Variants in TANC2 observed in about 807,000 individuals in gnomAD.
The protein encoded by TANC2 is tetratricopeptide repeat, ankyrin repeat and coiled-coil containing 2, also known as protein TANC2.
In TANC2, 26 loss-of-function variants were observed where a neutral mutation model predicts 210.5. That is an observed-to-expected ratio of 0.12 (90% CI 0.09 to 0.17). TANC2 has a LOEUF of 0.17. TANC2 is among the 10% of genes least tolerant of loss of function. The probability of loss-of-function intolerance (pLI) is 1.00; values close to 1 mark genes in which losing one functional copy is unlikely to be tolerated. For synonymous variants in TANC2, 931 were observed against 967.1 expected (o/e 0.96, Z 0.69); for missense variants, 2,129 against 2,608.9 (o/e 0.82, Z 4.01).
At chr17:63,220,703 C>CAA (rs373846699) in intron 7 of TANC2, among the ~76,000 whole-genome samples, 112 of 91,950 alleles carry the variant, frequency 1.2e-3, no homozygotes, top group South Asian at 7.7e-3. Flanking sequence ...GAATCAGTCT[C>CAA]AAAAAAAAAA....
At chr17:63,050,359 G>GAAAAAAAAAA in intron 2 of TANC2, among the ~76,000 whole-genome samples, 1 of 84,872 alleles carries the variant, frequency 1.2e-5, no homozygotes, top group Non-Finnish European at 2.6e-5. Context: ...CCTGTTTCAA[G>GAAAAAAAAAA]AAAAAAAAAA....
intron 11 of TANC2, among the ~76,000 whole-genome samples, chr17:63,328,471 T>C (rs982762663): frequency 6.6e-6 from 1 of 151,976 alleles, no homozygotes; most frequent in African/African-American, 2.4e-5. Context: ...AAGGAAATCC[T>C]GTCTTTTGCA....
At chr17:63,232,876 A>C (rs183850218) in intron 7 of TANC2, among the ~76,000 whole-genome samples, 4 of 152,324 alleles carry the variant, frequency 2.6e-5, no homozygotes, top group African/African-American at 7.2e-5. Context: ...CCGCTGATCA[A>C]CCGAGACTGC....
At position 63,418,278 on chromosome 17, in the gene TANC2, A is replaced by T; in HGVS notation, c.4168-29A>T. On this transcript the variant is annotated intron_variant, in intron 26 of 27. Coordinates refer to ENST00000689528, the Ensembl canonical transcript of TANC2. This position sits in a 1 kb window ranked among gnomAD's most constrained non-coding sequence, Gnocchi z 4.6. ...GTCTATTTTTTATATCTCATCAATGACTCATTTGCACACCTATTGTAATGA... is the reference window on the plus strand; with the variant it reads ...GTCTATTTTTTATATCTCATCAATGTCTCATTTGCACACCTATTGTAATGA... The T allele has an allele frequency of 6.3e-7, 1 of 1,584,076 alleles. No individual in the cohort carries two copies. Among genetic ancestry groups the T allele is most frequent in the Non-Finnish European group, 8.6e-7 (1 of 1,157,660 alleles).
intron 15 of TANC2, among the ~76,000 whole-genome samples, chr17:63,383,243 C>T (rs1435416600): frequency 6.6e-6 from 1 of 152,092 alleles, no homozygotes; most frequent in Non-Finnish European, 1.5e-5. Context: ...TGTTAGGGTC[C>T]ACTCTGTGTT....
chr17:63,057,507 T>A (rs1396817719), intron 2 of TANC2, among the ~76,000 whole-genome samples: 1 of 152,170 alleles, frequency 6.6e-6, no homozygotes, highest in Non-Finnish European at 1.5e-5. Flanking sequence ...GGGTGTGTTT[T>A]ACAGATTATT....
chr17:63,035,374 TGTGTGACTC>T (rs1457464277), intron 2 of TANC2, among the ~76,000 whole-genome samples: 1 of 152,240 alleles, frequency 6.6e-6, no homozygotes, highest in Non-Finnish European at 1.5e-5. Context: ...ACAAGAAATT[TGTGTGACTC>T]GCTTTATTGC....
At chr17:63,124,586 T>TA (rs377716401) in intron 4 of TANC2, among the ~76,000 whole-genome samples, 100 of 152,320 alleles carry the variant, frequency 6.6e-4, no homozygotes, top group African/African-American at 2.4e-3. Flanking sequence ...ATGAGAAACT[T>TA]ACAGTCAAAT....
At chr17:63,232,044 A>T (rs548712307) in intron 7 of TANC2, among the ~76,000 whole-genome samples, 4 of 151,926 alleles carry the variant, frequency 2.6e-5, no homozygotes, top group Admixed American at 6.6e-5. Context: ...CACTTTGTCT[A>T]CTTGGTTGTT....
At chr17:63,094,433 T>G (rs1219372831) in intron 3 of TANC2, among the ~76,000 whole-genome samples, 1 of 152,176 alleles carries the variant, frequency 6.6e-6, no homozygotes, top group African/African-American at 2.4e-5. Context: ...TCCTGTGTAC[T>G]TTTTAAAAGT....
At chr17:62,968,456 G>A (rs1290333285) in intron 1 of TANC2, 2 of 152,186 alleles carry the variant, frequency 1.3e-5, no homozygotes, top group Admixed American at 1.3e-4. Flanking sequence ...TTTCCTTGGT[G>A]ATTGATTTTG....
At chr17:63,014,738 G>A (rs1463363529) in intron 2 of TANC2, among the ~76,000 whole-genome samples, 2 of 152,050 alleles carry the variant, frequency 1.3e-5, no homozygotes, top group Non-Finnish European at 2.9e-5. Flanking sequence ...ACATGTTAAG[G>A]TTCTACTGTA....
chr17:63,268,943 C>G (rs1453415861), intron 9 of TANC2, among the ~76,000 whole-genome samples: 2 of 152,102 alleles, frequency 1.3e-5, no homozygotes, highest in African/African-American at 4.8e-5. Context: ...CAATCTCTAT[C>G]TCTACCACAA....
At chr17:63,401,912 A>G (rs1045218616) in intron 19 of TANC2, among the ~76,000 whole-genome samples, 1 of 152,148 alleles carries the variant, frequency 6.6e-6, no homozygotes. Context: ...TCATTTGCCT[A>G]GATTATTGCA....
At chr17:62,972,915 C>T (rs978476235) in intron 1 of TANC2, among the ~76,000 whole-genome samples, 3 of 152,244 alleles carry the variant, frequency 2.0e-5, no homozygotes, top group East Asian at 1.9e-4. Flanking sequence ...AGCCATCATG[C>T]GTTAGCCCAA....
In TANC2 at chr17:63,418,426, G is replaced by A. The variant is rs752673610; in HGVS notation, c.4268+19G>A. 1.3e-6 allele frequency: 2 copies of A among 1,596,038 alleles called. No individual in the cohort carries two copies. Among genetic ancestry groups the A allele is most frequent in the African/African-American group, 1.3e-5 (1 of 74,478 alleles). On this transcript the variant is annotated intron_variant, in intron 27 of 27. Transcript: ENST00000689528. This position sits in a 1 kb window ranked among gnomAD's most constrained non-coding sequence, Gnocchi z 4.6. ...GCAGCAGGTGAGGAGAGAGAGAGAG[G>A]GTGAAAGCAAGAGGTCTCTTTTCTG...
intron 5 of TANC2, among the ~76,000 whole-genome samples, chr17:63,179,202 A>G (rs2040693190): frequency 6.6e-6 from 1 of 152,196 alleles, no homozygotes; most frequent in Non-Finnish European, 1.5e-5. Flanking sequence ...TGCTCATTGT[A>G]TCATCAGATA....
intron 20 of TANC2, among the ~76,000 whole-genome samples, chr17:63,405,904 C>G (rs2048488595): frequency 6.6e-6 from 1 of 152,122 alleles, no homozygotes; most frequent in Non-Finnish European, 1.5e-5. Context: ...ACATCTTGGC[C>G]TTTGTTAAGT....
In TANC2 at chr17:63,096,318, A is replaced by C. The variant is rs1457918399; in HGVS notation, c.140-2857A>C. ...GGGCCCAGAGATGAATGAGAAGAAA[A>C]AAAGTTAATCCTAATAAAATTCCTG... is the stretch of plus-strand genomic sequence containing the variant. On this transcript the variant is annotated intron_variant, in intron 3 of 27. Transcript: ENST00000689528. 2.6e-5 allele frequency among the ~76,000 whole-genome samples: 4 copies of C among 152,262 alleles called. No homozygotes were observed. The East Asian group carries it at 7.7e-4, about 29-fold the overall frequency.
Sources: gnomAD v4.1 joint callset for allele counts (sites outside exome capture counted in the v4.1 genomes callset) on GRCh38, gnomAD v4.1.1 for gene constraint, Gnocchi (gnomAD v3.1) non-coding constraint, MANE v1.5 for transcripts, NCBI Gene and HGNC (gene_info 2026-07-23, HGNC 2026-07-21) for gene names.